The following CRISP1 variants were observed in gnomAD, a reference collection of about 807,000 sequenced individuals.
CRISP1 encodes cysteine rich secretory protein 1.
A neutral mutation model predicts 33.1 loss-of-function variants in CRISP1; 44 were observed. The observed-to-expected ratio is 1.33, with a 90% CI of 1.05 to 1.71. The LOEUF is 1.71. Among genes scored for constraint, CRISP1 ranks in the 40% most tolerant of loss-of-function variants. CRISP1 has a pLI of 0.00. For missense variants in CRISP1, 390 were observed against 301.2 expected, an observed-to-expected ratio of 1.29 and a Z score of -2.18; for synonymous variants, 103 against 98.7, an observed-to-expected ratio of 1.04 and a Z score of -0.26.
intron 6 of CRISP1, among the ~76,000 whole-genome samples, chr6:49,839,792 G>A (rs1770924074): frequency 1.3e-5 from 2 of 152,254 alleles, no homozygotes; most frequent in East Asian, 3.9e-4. Flanking sequence ...ATGATGTGTT[G>A]TAGCAGCAAA....
In CRISP1 at chr6:49,857,380, C is replaced by A. The variant is rs1771526578; in HGVS notation, c.21G>T (p.Leu7Phe). MEIKHLLFLVAAACLLP... is the reference protein window; with the variant it reads MEIKHLFFLVAAACLLP... ...GTAAGCAAGCAGCAGCAACCAAAAA[C>A]AAGAGGTGTTTAATTTCCATCCCTG... The change falls in exon 2 of 8, where the codon TTG becomes TTT. Residue 7 changes from leucine to phenylalanine, a missense_variant. By Grantham distance (22) the Leu-to-Phe change is conservative. Transcript: ENST00000335847. The A allele has an allele frequency of 6.2e-7, 1 of 1,612,902 alleles. No homozygotes were observed. The highest frequency in any genetic ancestry group is 2.2e-5 in the East Asian group (1 of 44,772).
At chr6:49,866,863 G>T (rs544831967), upstream of CRISP1, among the ~76,000 whole-genome samples, 1 of 152,182 alleles carries the variant, frequency 6.6e-6, no homozygotes, top group East Asian at 1.9e-4. Context: ...ATTTATTGAG[G>T]TCTTAAGATG....
chr6:49,870,365 A>G (rs1771894258), upstream of CRISP1, among the ~76,000 whole-genome samples: 1 of 152,166 alleles, frequency 6.6e-6, no homozygotes. Flanking sequence ...AGTATGGACA[A>G]TAGAGTAACC....
chr6:49,840,317 A>C (rs1478195845), intron 6 of CRISP1, among the ~76,000 whole-genome samples: 2 of 152,208 alleles, frequency 1.3e-5, no homozygotes, highest in Non-Finnish European at 2.9e-5. Flanking sequence ...AATCAGATTA[A>C]ATTTTCTAGG....
At chr6:49,839,099 G>T (rs1229343154) in intron 6 of CRISP1, among the ~76,000 whole-genome samples, 1 of 151,972 alleles carries the variant, frequency 6.6e-6, no homozygotes, top group Non-Finnish European at 1.5e-5. Context: ...GTGTGGGAAA[G>T]AAAGTAGATG....
intron 2 of CRISP1, among the ~76,000 whole-genome samples, chr6:49,856,398 A>C (rs1300346967): frequency 6.6e-6 from 1 of 152,172 alleles, no homozygotes; most frequent in Non-Finnish European, 1.5e-5. Flanking sequence ...AAATGGTCAG[A>C]GAATCAGAGG....
upstream of CRISP1, among the ~76,000 whole-genome samples, chr6:49,868,244 G>T (rs1392947529): frequency 6.6e-6 from 1 of 152,152 alleles, no homozygotes; most frequent in Non-Finnish European, 1.5e-5. Flanking sequence ...GTGCCAGTTG[G>T]CTGTTTCTGT....
rs1770964223 is a variant in CRISP1, at chr6:49,840,906, A to G, written c.525T>C (p.Tyr175=). The G allele has an allele frequency of 1.2e-6, 2 of 1,612,700 alleles. No homozygotes were observed. The highest frequency in any genetic ancestry group is 1.7e-5 in the Admixed American group (1 of 60,006). ...GSPRYLYVCH[Y]CHEGNDPETK... is the part of the protein sequence containing the mutation. ...AAACTAATAATACATACTCATGACA[A>G]TAGTGACAAACGTAGAGATATCGAG... Residue 175 remains tyrosine (Y), a synonymous_variant, in exon 6 of 8, where the codon TAT becomes TAC. Coordinates refer to ENST00000335847, the MANE Select transcript of CRISP1 (RefSeq NM_001131.3).
upstream of CRISP1, among the ~76,000 whole-genome samples, chr6:49,867,326 G>A (rs1771821722): frequency 6.6e-6 from 1 of 152,016 alleles, no homozygotes; most frequent in Admixed American, 6.6e-5. Context: ...GTTGGGAAAT[G>A]TTTGTATATG....
chr6:49,839,823 A>G (rs1299164127), intron 6 of CRISP1, among the ~76,000 whole-genome samples: 1 of 152,232 alleles, frequency 6.6e-6, no homozygotes, highest in African/African-American at 2.4e-5. Flanking sequence ...TGTCTTCAGC[A>G]CAATTTATAT....
Position 49,835,451 on chromosome 6 carries a change from A to G in CRISP1, c.623-8T>C, listed in dbSNP as rs745476706. 25 of 1,612,564 alleles carry G rather than the reference A, an allele frequency of 1.6e-5. No homozygotes were observed. Among genetic ancestry groups the G allele is most frequent in the Non-Finnish European group, 2.1e-5 (25 of 1,179,312 alleles). On this transcript the variant is annotated splice_region_variant and splice_polypyrimidine_tract_variant and intron_variant, in intron 7 of 7. Coordinates refer to ENST00000335847, the MANE Select transcript of CRISP1 (RefSeq NM_001131.3). ...AGTAGATGCAGGGGTTAGCTGAAAG[A>G]AAATAGTATGGTTTTACAACACAGT... is the stretch of plus-strand genomic sequence containing the variant.
intron 1 of CRISP1, among the ~76,000 whole-genome samples, chr6:49,861,206 A>C (rs1014237307): frequency 6.6e-6 from 1 of 152,172 alleles, no homozygotes; most frequent in Non-Finnish European, 1.5e-5. Context: ...AATTCCAAAA[A>C]AATTCAAGGA....
intron 1 of CRISP1, among the ~76,000 whole-genome samples, chr6:49,860,108 C>T (rs1328026774): frequency 6.6e-6 from 1 of 151,936 alleles, no homozygotes; most frequent in Non-Finnish European, 1.5e-5. Context: ...CAATGGAGCA[C>T]CTAGATATAT....
intron 1 of CRISP1, among the ~76,000 whole-genome samples, chr6:49,873,746 T>C (rs907572769): frequency 1.4e-4 from 21 of 151,386 alleles, no homozygotes; most frequent in Admixed American, 1.4e-3. Flanking sequence ...TTATTAGCAA[T>C]AGTAGATAAA....
At position 49,838,500 on chromosome 6, in the gene CRISP1, C is replaced by G. The variant is rs762436767; in HGVS notation, c.559G>C (p.Glu187Gln). Residue 187 changes from glutamate (E) to glutamine (Q), a missense_variant, in exon 7 of 8, where the codon GAA (glutamate) becomes CAA (glutamine). Coordinates refer to ENST00000335847, the MANE Select transcript of CRISP1 (RefSeq NM_001131.3). ...HEGNDPETKN[E>Q]PYKTGVPCEA... ...CATGGGACGCCTGTCTTATAAGGTT[C>G]ATTCTTTGTTTCAGGATCATTTCCC... 1 of 1,612,844 alleles carries G rather than the reference C, an allele frequency of 6.2e-7. No homozygotes were observed. The highest frequency in any genetic ancestry group is 1.1e-5 in the South Asian group (1 of 90,746).
chr6:49,862,244 A>C (rs1399218256), intron 1 of CRISP1, among the ~76,000 whole-genome samples: 1 of 152,184 alleles, frequency 6.6e-6, no homozygotes, highest in Non-Finnish European at 1.5e-5. Context: ...GTAGTGTTTC[A>C]AAGAAAATAC....
In CRISP1 at chr6:49,857,338, C is replaced by T; in HGVS notation, c.63G>A (p.Met21Ile). Residue 21 changes from methionine (M) to isoleucine (I), a missense_variant, in exon 2 of 8, where the codon ATG becomes ATA. Physicochemically the swap from Met to Ile is conservative, Grantham distance 10. Coordinates refer to ENST00000335847, the MANE Select transcript of CRISP1 (RefSeq NM_001131.3). ...AAACLLPMLS[M>I]KKKSARDQFN... ...GAAACATCCAACCCTCACATACTTTCATGGACAACATAGGCAGTAAGCAAG... is the reference window on the plus strand; with the variant it reads ...GAAACATCCAACCCTCACATACTTTTATGGACAACATAGGCAGTAAGCAAG... The T allele has an allele frequency of 6.2e-7, 1 of 1,612,670 alleles. No homozygotes were observed.
rs1048484856 is a variant in CRISP1, at chr6:49,866,484, T to C, written c.-58A>G. The C allele has an allele frequency of 6.6e-6, 1 of 152,140 alleles. No individual in the cohort carries two copies. The highest frequency in any genetic ancestry group is 2.4e-5 in the African/African-American group (1 of 41,438). The allele number at this position is 152,140 out of a possible 1,614,324, so 9.4% of individuals were successfully genotyped here. ...CTGATAAGAACCAAGCCTTTCTCTATGTAGTGTATTTGTGCTTTTAAATGA... is the reference window on the plus strand; with the variant it reads ...CTGATAAGAACCAAGCCTTTCTCTACGTAGTGTATTTGTGCTTTTAAATGA... On this transcript the variant is annotated 5_prime_UTR_variant, in exon 1 of 8. Coordinates refer to ENST00000335847, the MANE Select transcript of CRISP1 (RefSeq NM_001131.3).
chr6:49,853,271 G>T (rs2127474474), intron 2 of CRISP1, among the ~76,000 whole-genome samples: 1 of 152,138 alleles, frequency 6.6e-6, no homozygotes, highest in East Asian at 1.9e-4. Context: ...AATCTCTGCT[G>T]CAGGGAAACT....
Sources: allele counts gnomAD v4.1 joint callset (sites outside exome capture counted in the v4.1 genomes callset), GRCh38; gene constraint gnomAD v4.1.1; transcripts MANE v1.5; gene names NCBI Gene and HGNC (gene_info 2026-07-23, HGNC 2026-07-21).